The following ANKRD27 variants were observed in gnomAD, a reference collection of about 807,000 sequenced individuals.
ANKRD27 encodes the protein ankyrin repeat domain 27, also known as ankyrin repeat domain-containing protein 27.
Under a neutral mutation model 129.7 loss-of-function variants are expected in ANKRD27, and 112 were observed. That is an observed-to-expected ratio of 0.86 (90% CI 0.74 to 1.01). ANKRD27 has a LOEUF of 1.01. ANKRD27 is among the 50% of genes least tolerant of loss of function. ANKRD27 has a pLI of 0.00. For synonymous variants in ANKRD27, 516 were observed against 511.2 expected (o/e 1.01, Z -0.13); for missense variants, 1,258 against 1,300.5 (o/e 0.97, Z 0.50).
At chr19:32,636,472 A>G (rs971646833) in intron 12 of ANKRD27, 2 of 151,302 alleles carry the variant, frequency 1.3e-5, no homozygotes, top group African/African-American at 4.9e-5. Context: ...CATGCAAGAA[A>G]TGAACGAATA....
At chr19:32,666,078 G>A (rs1275886808) in intron 1 of ANKRD27, among the ~76,000 whole-genome samples, 1 of 152,002 alleles carries the variant, frequency 6.6e-6, no homozygotes, top group African/African-American at 2.4e-5. Context: ...CTATAATTAT[G>A]AATTTTATCA....
At chr19:32,601,892 G>A (rs1971658801) in intron 26 of ANKRD27, 123 bp downstream of exon 26, 2 of 619,784 alleles carry the variant, frequency 3.2e-6, no homozygotes, top group South Asian at 4.2e-5. Context: ...TTTGGTGCCT[G>A]TATCTCCTCC....
intron 1 of ANKRD27, among the ~76,000 whole-genome samples, chr19:32,659,623 C>G (rs1291960024): frequency 6.6e-6 from 1 of 152,156 alleles, no homozygotes; most frequent in African/African-American, 2.4e-5. Flanking sequence ...ATGACATTCT[C>G]AAGATACTCA....
At chr19:32,618,321 C>T (rs1012334119) in intron 20 of ANKRD27, among the ~76,000 whole-genome samples, 6 of 151,760 alleles carry the variant, frequency 4.0e-5, no homozygotes, top group Admixed American at 3.3e-4. Flanking sequence ...ATACACTTAG[C>T]TAAGTGCAGT....
intron 2 of ANKRD27, among the ~76,000 whole-genome samples, chr19:32,657,285 AACCCTGTCTCC>A (rs1195806733): frequency 6.6e-6 from 1 of 151,976 alleles, no homozygotes; most frequent in African/African-American, 2.4e-5. Flanking sequence ...AACATGGTGA[AACCCTGTCTCC>A]ACTAAAAATA....
rs145818109 is a variant in ANKRD27, at chr19:32,597,715, C to A, written c.*430G>T. 2.8e-5 allele frequency: 5 copies of A among 181,242 alleles called. No individual in the cohort carries two copies. Among genetic ancestry groups the A allele is most frequent in the East Asian group, 1.3e-4 (1 of 7,576 alleles). 11.2% of individuals were successfully genotyped at this position (181,242 alleles called of 1,614,324 possible). On this transcript the variant is annotated 3_prime_UTR_variant, in exon 29 of 29. Transcript: ENST00000306065. ...CTACAGTACCATGAAACCTAAATTA[C>A]TTACTTCTCTCCAGCTTAATCCTAG...
At chr19:32,664,827 G>C (rs1467561541) in intron 1 of ANKRD27, among the ~76,000 whole-genome samples, 1 of 148,634 alleles carries the variant, frequency 6.7e-6, no homozygotes, top group Non-Finnish European at 1.5e-5. Context: ...GGATGAGGCA[G>C]GAGAATCGCT....
chr19:32,643,882 T>G (rs1429635868), intron 5 of ANKRD27: 3 of 540,246 alleles, frequency 5.6e-6, no homozygotes, highest in Non-Finnish European at 9.9e-6. Flanking sequence ...TGGTTTGTTT[T>G]TTCTTTTTAA....
intron 1 of ANKRD27, chr19:32,666,555 C>T (rs1472363536): frequency 6.6e-6 from 1 of 152,118 alleles, no homozygotes; most frequent in Non-Finnish European, 1.5e-5. Context: ...AGCTGCTCCT[C>T]ATCACCCCTG....
Position 32,643,447 on chromosome 19 carries a change from A to G in ANKRD27, c.623T>C (p.Met208Thr), listed in dbSNP as rs770012371. ...LAKQEAQMNL[M>T]KQAVEIYVHH... ...CACCCTCACCTCCACTGCCTGCTTCATCAGGTTCATCTGGGCCTCCTGCTT... is the reference window on the plus strand; with the variant it reads ...CACCCTCACCTCCACTGCCTGCTTCGTCAGGTTCATCTGGGCCTCCTGCTT... The change falls in exon 7 of 29, where the codon ATG becomes ACG. Residue 208 changes from methionine (M) to threonine (T), a missense_variant. Transcript: ENST00000306065. The G allele has an allele frequency of 1.2e-6, 2 of 1,613,828 alleles. No individual in the cohort carries two copies. The highest frequency in any genetic ancestry group is 3.3e-5 in the Admixed American group (2 of 59,944).
chr19:32,649,044 G>A (rs1005644979), intron 3 of ANKRD27, among the ~76,000 whole-genome samples: 6 of 147,944 alleles, frequency 4.1e-5, no homozygotes, highest in African/African-American at 1.5e-4. Flanking sequence ...ATGGCTTACT[G>A]CAAGCTCAAA....
intron 11 of ANKRD27, 61 bp downstream of exon 11, chr19:32,640,246 A>G: frequency 7.1e-7 from 1 of 1,399,654 alleles, no homozygotes; most frequent in Non-Finnish European, 1.0e-6. Flanking sequence ...TACAGGCGTG[A>G]GCCACCGTGC....
chr19:32,649,832 CAT>C lies in ANKRD27; in HGVS notation c.103-42_103-41del, dbSNP rs1483308430. 3 of 1,297,570 alleles carry C rather than the reference CAT, an allele frequency of 2.3e-6. No homozygotes were observed. In the Admixed American group the frequency reaches 5.0e-5, roughly 22 times the overall value. 80.4% of individuals were successfully genotyped at this position (1,297,570 alleles called of 1,614,324 possible). The stretch of plus-strand genomic sequence containing the variant: ...TCGGGGCAACATTAGACAGACGTGC[CAT>C]TTACCACCTCAGCAGAACAAGGTGT... On this transcript the variant is annotated intron_variant, in intron 2 of 28. Transcript: ENST00000306065.
At chr19:32,623,674 G>C (rs984923404) in intron 17 of ANKRD27, among the ~76,000 whole-genome samples, 1 of 151,642 alleles carries the variant, frequency 6.6e-6, no homozygotes, top group Non-Finnish European at 1.5e-5. Flanking sequence ...TCAACCTCCT[G>C]AGTAGCTGGG....
intron 14 of ANKRD27, 94 bp from the exon 15 acceptor site, chr19:32,628,259 G>C: frequency 9.5e-7 from 1 of 1,055,662 alleles, no homozygotes; most frequent in South Asian, 1.4e-5. Flanking sequence ...ACAGACAGAA[G>C]GCGGCTCACA....
chr19:32,664,617 AAATAATAATAAT>A (rs3042684), intron 1 of ANKRD27, among the ~76,000 whole-genome samples: 8,322 of 128,284 alleles, frequency 0.065, 876 homozygotes, highest in African/African-American at 0.22. Flanking sequence ...CTCCATCCCC[AAATAATAATAAT>A]AATAATAATA....
In ANKRD27 at chr19:32,598,075, T is replaced by C. The variant is rs1599728253; in HGVS notation, c.*70A>G. 1 of 1,391,040 alleles carries C rather than the reference T, an allele frequency of 7.2e-7. No individual in the cohort carries two copies. The highest frequency in any genetic ancestry group is 2.3e-5 in the East Asian group (1 of 43,364). 86.2% of individuals were successfully genotyped at this position (1,391,040 alleles called of 1,614,324 possible). On this transcript the variant is annotated 3_prime_UTR_variant, in exon 29 of 29. Transcript: ENST00000306065. ...TGGAAGCACATTTAGTTCTCAGATG[T>C]GTTCACGCTCAGCATCATCTTGTTG...
rs774543855 is a variant in ANKRD27 at position 32,631,410 on chromosome 19, G to A, written c.1201C>T (p.Leu401=). Reference sequence around the variant, plus strand: ...ATGTCTTGGTATCTCACCTTAAACAGGCAGTCGGTGGGAGACGAAGTCATC... The same window carrying A: ...ATGTCTTGGTATCTCACCTTAAACAAGCAGTCGGTGGGAGACGAAGTCATC... The part of the protein sequence containing the change: ...SQMTSSPTDC[L]FKHIASGNQK... The change falls in exon 13 of 29, where the codon CTG becomes TTG. Residue 401 remains leucine (L), a synonymous_variant. Transcript: ENST00000306065. 6.2e-6 allele frequency: 10 copies of A among 1,613,692 alleles called. No homozygotes were observed. The African/African-American group carries it at 1.3e-4, about 22-fold the overall frequency.
chr19:32,659,345 G>A (rs1419347834), intron 1 of ANKRD27, among the ~76,000 whole-genome samples: 1 of 152,044 alleles, frequency 6.6e-6, no homozygotes, highest in Non-Finnish European at 1.5e-5. Flanking sequence ...GCCTCCCAAA[G>A]TGCTGGGATT....
Sources: gnomAD v4.1 joint callset for allele counts (sites outside exome capture counted in the v4.1 genomes callset) on GRCh38, gnomAD v4.1.1 for gene constraint, MANE v1.5 for transcripts, NCBI Gene and HGNC (gene_info 2026-07-23, HGNC 2026-07-21) for gene names.